MIDEAS: variants seen among roughly 807,000 people sequenced by gnomAD.
MIDEAS encodes mitotic deacetylase-associated SANT domain protein.
Under a neutral mutation model 102.7 loss-of-function variants are expected in MIDEAS, and 26 were observed. That is an observed-to-expected ratio of 0.25 (90% CI 0.19 to 0.35). MIDEAS has a LOEUF of 0.35. MIDEAS is among the 10% of genes least tolerant of loss of function. The probability of loss-of-function intolerance (pLI) is 1.00; values close to 1 mark genes in which losing one functional copy is unlikely to be tolerated. For missense variants in MIDEAS, 1,231 were observed against 1,435.6 expected, an observed-to-expected ratio of 0.86 and a Z score of 2.30; for synonymous variants, 585 against 591.0, an observed-to-expected ratio of 0.99 and a Z score of 0.15.
intron 1 of MIDEAS, among the ~76,000 whole-genome samples, chr14:73,777,428 G>A (rs531354297): frequency 1.3e-5 from 2 of 152,088 alleles, no homozygotes; most frequent in South Asian, 4.2e-4. Flanking sequence ...TTCTGCTGTG[G>A]GCCAACCTAA....
At chr14:73,774,700 G>C (rs2053674558) in intron 1 of MIDEAS, among the ~76,000 whole-genome samples, 1 of 151,854 alleles carries the variant, frequency 6.6e-6, no homozygotes, top group Admixed American at 6.6e-5. Context: ...ACTCTCACCA[G>C]GGTCTTGCTG....
In MIDEAS at chr14:73,722,861, A is replaced by G. The variant is rs1466520756; in HGVS notation, c.2575-14T>C. On this transcript the variant is annotated splice_polypyrimidine_tract_variant and intron_variant, in intron 9 of 12. Coordinates refer to ENST00000423556, the MANE Select transcript of MIDEAS (RefSeq NM_001367710.1). ...CTTGGTCTGGATCTGGTTTGAAGTC[A>G]AAACTGAGGTCAGAACCCTCTGGTT... 1 of 1,613,624 alleles carries G rather than the reference A, an allele frequency of 6.2e-7. No individual in the cohort carries two copies. Among genetic ancestry groups the G allele is most frequent in the Non-Finnish European group, 8.5e-7 (1 of 1,179,674 alleles).
intron 1 of MIDEAS, among the ~76,000 whole-genome samples, chr14:73,784,624 A>G (rs889532512): frequency 3.3e-5 from 5 of 152,042 alleles, no homozygotes; most frequent in Admixed American, 3.3e-4. Flanking sequence ...CCTCAAGACT[A>G]CAGCCAGGCA....
At chr14:73,723,645 G>C (rs1040420670) in intron 9 of MIDEAS, 2 of 152,226 alleles carry the variant, frequency 1.3e-5, no homozygotes, top group African/African-American at 4.8e-5. Context: ...TTTAGACATA[G>C]AGAAAGAGAA....
chr14:73,732,799 A>AAAG (rs1402651417), intron 3 of MIDEAS, among the ~76,000 whole-genome samples: 1 of 140,144 alleles, frequency 7.1e-6, no homozygotes, highest in East Asian at 1.9e-4. Flanking sequence ...AAAAAAAAAA[A>AAAG]AAAAAAAAAG....
chr14:73,718,607 G>C lies in MIDEAS; in HGVS notation c.*236C>G. 1 of 377,424 alleles carries C rather than the reference G, an allele frequency of 2.6e-6. No individual in the cohort carries two copies. The highest frequency in any genetic ancestry group is 4.1e-5 in the East Asian group (1 of 24,436). 23.4% of individuals were successfully genotyped at this position (377,424 alleles called of 1,614,324 possible). A position where few individuals can be genotyped will look rare whatever the true frequency, so the allele number is the denominator to read the frequency against. ...GGACTCTCCCGGTCCAGGAAAGCAC[G>C]AGGACAGCTTCCGACAGACCAAATG... On this transcript the variant is annotated 3_prime_UTR_variant, in exon 13 of 13. Transcript: ENST00000423556.
intron 1 of MIDEAS, among the ~76,000 whole-genome samples, chr14:73,753,324 A>G (rs375216528): frequency 1.2e-4 from 18 of 152,144 alleles, no homozygotes; most frequent in African/African-American, 4.3e-4. Context: ...TACTATCAGC[A>G]CTTCATACCA....
intron 9 of MIDEAS, chr14:73,723,176 GCT>G (rs1387870784): frequency 2.2e-5 from 4 of 178,830 alleles, no homozygotes; most frequent in Non-Finnish European, 4.8e-5. Flanking sequence ...ACAGAGTCTC[GCT>G]CTGTCACTCA....
upstream of MIDEAS, among the ~76,000 whole-genome samples, chr14:73,787,747 G>C (rs2053831614): frequency 6.6e-6 from 1 of 152,132 alleles, no homozygotes; most frequent in Admixed American, 6.5e-5. Context: ...GATGTCCCTC[G>C]TCATTTCTAC....
At chr14:73,763,180 A>T (rs546044420), upstream of MIDEAS, among the ~76,000 whole-genome samples, 1 of 152,288 alleles carries the variant, frequency 6.6e-6, no homozygotes, top group South Asian at 2.1e-4. Flanking sequence ...CTACAAAAAA[A>T]TACAAAAATT....
At chr14:73,723,830 G>A (rs1010436563) in intron 9 of MIDEAS, 3 of 152,184 alleles carry the variant, frequency 2.0e-5, no homozygotes, top group Admixed American at 6.5e-5. Flanking sequence ...CAACACAGAC[G>A]CTTTTCATTA....
upstream of MIDEAS, among the ~76,000 whole-genome samples, chr14:73,789,469 C>T (rs141867705): frequency 1.8e-4 from 28 of 152,200 alleles, no homozygotes; most frequent in African/African-American, 6.3e-4. Context: ...CTCCCTCGGG[C>T]CCTTCAGGCA....
At chr14:73,780,941 TTTG>T (rs544293669) in intron 1 of MIDEAS, among the ~76,000 whole-genome samples, 3 of 152,150 alleles carry the variant, frequency 2.0e-5, no homozygotes, top group South Asian at 2.1e-4. Flanking sequence ...TTTTTGTTTT[TTTG>T]TTGTTGTTGT....
At chr14:73,750,783 G>A (rs2053409704) in intron 1 of MIDEAS, among the ~76,000 whole-genome samples, 2 of 152,254 alleles carry the variant, frequency 1.3e-5, no homozygotes, top group South Asian at 4.1e-4. Flanking sequence ...CACACAGCCA[G>A]GAGCAAAATC....
intron 1 of MIDEAS, among the ~76,000 whole-genome samples, chr14:73,783,027 T>C (rs574672029): frequency 2.6e-5 from 4 of 152,238 alleles, no homozygotes; most frequent in African/African-American, 9.6e-5. Context: ...TTATTGAGAC[T>C]TGCTATGAGT....
Position 73,738,694 on chromosome 14 carries a change from T to C in MIDEAS, c.1315A>G (p.Thr439Ala), listed in dbSNP as rs2053236937. The C allele has an allele frequency of 1.9e-6, 3 of 1,613,828 alleles. No homozygotes were observed. The highest frequency in any genetic ancestry group is 2.5e-6 in the Non-Finnish European group (3 of 1,179,922). Residue 439 changes from threonine (T) to alanine (A), a missense_variant, in exon 2 of 13, where the codon ACA becomes GCA. Coordinates refer to ENST00000423556, the MANE Select transcript of MIDEAS (RefSeq NM_001367710.1). ...GSEEGMRAVSTGDCGQVLRGG... is the reference protein window; with the variant it reads ...GSEEGMRAVSAGDCGQVLRGG... ...CGTAGCACCTGCCCACAGTCCCCTGTGCTCACTGCCCTCATGCCCTCCTCG... is the reference window on the plus strand; with the variant it reads ...CGTAGCACCTGCCCACAGTCCCCTGCGCTCACTGCCCTCATGCCCTCCTCG...
At chr14:73,750,030 T>C (rs1397246095) in intron 1 of MIDEAS, among the ~76,000 whole-genome samples, 2 of 152,200 alleles carry the variant, frequency 1.3e-5, no homozygotes, top group South Asian at 2.1e-4. Flanking sequence ...CTAGGAAAAA[T>C]GGCCACAGGC....
chr14:73,763,925 C>T (rs941038379), upstream of MIDEAS, among the ~76,000 whole-genome samples: 1 of 152,104 alleles, frequency 6.6e-6, no homozygotes, highest in Admixed American at 6.5e-5. Flanking sequence ...TTGAGAGGAT[C>T]AAAAGGACAA....
chr14:73,716,790 T>C lies in MIDEAS; in HGVS notation c.*2053A>G, dbSNP rs980573586. The C allele has an allele frequency of 1.3e-5, 2 of 151,164 alleles. No individual in the cohort carries two copies. Among genetic ancestry groups the C allele is most frequent in the African/African-American group, 2.4e-5 (1 of 40,874 alleles). 9.4% of individuals were successfully genotyped at this position (151,164 alleles called of 1,614,324 possible). ...GGAGGTTTCTGTTACCGTATGCCCATAAAGGGGCCTGAAACCAAATATGAT... is the reference window on the plus strand; with the variant it reads ...GGAGGTTTCTGTTACCGTATGCCCACAAAGGGGCCTGAAACCAAATATGAT... On this transcript the variant is annotated 3_prime_UTR_variant, in exon 13 of 13. Transcript: ENST00000423556.
Sources: gnomAD v4.1 joint callset for allele counts (sites outside exome capture counted in the v4.1 genomes callset) on GRCh38, gnomAD v4.1.1 for gene constraint, MANE v1.5 for transcripts, NCBI Gene and HGNC (gene_info 2026-07-23, HGNC 2026-07-21) for gene names.